Variants in KCNIP4 observed in about 807,000 individuals in gnomAD.
KCNIP4 encodes potassium voltage-gated channel interacting protein 4.
In KCNIP4, 12 loss-of-function variants were observed where a neutral mutation model predicts 34.0. That is an observed-to-expected ratio of 0.35 (90% CI 0.23 to 0.57). The LOEUF is 0.57. Ranked by LOEUF, KCNIP4 falls within the 20% of genes least tolerant of loss-of-function variation. KCNIP4 has a pLI of 0.83. For missense variants in KCNIP4, 238 were observed against 311.7 expected, an observed-to-expected ratio of 0.76 and a Z score of 1.78; for synonymous variants, 124 against 102.2, an observed-to-expected ratio of 1.21 and a Z score of -1.29.
intron 1 of KCNIP4, among the ~76,000 whole-genome samples, chr4:20,974,836 G>C (rs1252786804): frequency 2.6e-5 from 4 of 152,048 alleles, no homozygotes; most frequent in Non-Finnish European, 4.4e-5. Flanking sequence ...GATCACACTC[G>C]AAAACCTTTC....
At chr4:21,087,146 ATG>A (rs34874556) in intron 1 of KCNIP4, among the ~76,000 whole-genome samples, 2,832 of 110,842 alleles carry the variant, frequency 0.026, 40 homozygotes, top group African/African-American at 0.052. Context: ...CTGCTGGGTA[ATG>A]TGTGTGTGTG....
rs577665647 is a variant in KCNIP4 at position 21,723,615 on chromosome 4, T to C, written c.61+224956A>G. 1.1e-4 allele frequency among the ~76,000 whole-genome samples: 16 copies of C among 152,138 alleles called. No homozygotes were observed. The South Asian group carries it at 1.9e-3, about 18-fold the overall frequency. ...AACAAATGGCTCAGAAAAAGAAAGT[T>C]TGGTGTCACATGGGAGCTCAGTCAT... On this transcript the variant is annotated intron_variant, in intron 1 of 8. Transcript: ENST00000382152.
intron 1 of KCNIP4, among the ~76,000 whole-genome samples, chr4:21,292,105 T>C (rs966615246): frequency 1.3e-5 from 2 of 152,194 alleles, no homozygotes; most frequent in Admixed American, 1.3e-4. Flanking sequence ...AGTTTTTTCT[T>C]AAGCATTTTC....
At chr4:21,705,581 C>T (rs1011770597) in intron 1 of KCNIP4, among the ~76,000 whole-genome samples, 9 of 151,752 alleles carry the variant, frequency 5.9e-5, no homozygotes, top group Non-Finnish European at 1.0e-4. Context: ...TAATGGGGAA[C>T]GGGGAAAGAA....
At chr4:21,648,749 C>T (rs949688625) in intron 1 of KCNIP4, among the ~76,000 whole-genome samples, 1 of 151,982 alleles carries the variant, frequency 6.6e-6, no homozygotes. Flanking sequence ...TCTGAAGTGG[C>T]AAAGTAGGGT....
At chr4:20,824,905 A>G (rs1717547598) in intron 3 of KCNIP4, among the ~76,000 whole-genome samples, 1 of 152,222 alleles carries the variant, frequency 6.6e-6, no homozygotes, top group South Asian at 2.1e-4. Flanking sequence ...AACACAATTA[A>G]GTATTATCTT....
intron 1 of KCNIP4, among the ~76,000 whole-genome samples, chr4:21,660,906 C>T (rs542413273): frequency 1.3e-5 from 2 of 152,168 alleles, no homozygotes; most frequent in Non-Finnish European, 1.5e-5. Flanking sequence ...AGAAAAGGCC[C>T]CACCCTCAAG....
chr4:21,519,785 A>ATGTGTGTGTATACACACGTGTGTGTATG (rs1735347717), intron 1 of KCNIP4, among the ~76,000 whole-genome samples: 9 of 128,576 alleles, frequency 7.0e-5, no homozygotes, highest in African/African-American at 2.5e-4. Flanking sequence ...ACGTGTGTGT[A>ATGTGTGTGTATACACACGTGTGTGTATG]TGTGTGTGTA....
intron 1 of KCNIP4, among the ~76,000 whole-genome samples, chr4:21,251,006 T>A (rs1183216126): frequency 6.6e-6 from 1 of 151,980 alleles, no homozygotes; most frequent in African/African-American, 2.4e-5. Context: ...TATCTTGACA[T>A]GTAAAAGTAC....
intron 1 of KCNIP4, among the ~76,000 whole-genome samples, chr4:20,997,068 TG>T (rs11316315): frequency 0.42 from 63,545 of 151,840 alleles, 13,511 homozygotes; most frequent in Admixed American, 0.48. Context: ...TAGACTAGGA[TG>T]GGGGGAAAAC....
intron 1 of KCNIP4, among the ~76,000 whole-genome samples, chr4:21,192,910 C>A (rs1490082746): frequency 1.6e-5 from 2 of 122,634 alleles, no homozygotes; most frequent in Non-Finnish European, 3.4e-5. Flanking sequence ...CCCTGCCGCC[C>A]CGTCTCTACT....
intron 1 of KCNIP4, among the ~76,000 whole-genome samples, chr4:21,606,151 C>T (rs913155729): frequency 6.6e-6 from 1 of 152,038 alleles, no homozygotes; most frequent in African/African-American, 2.4e-5. Flanking sequence ...GGTGGCCATC[C>T]AGATATGGGA....
At chr4:21,677,368 T>C (rs1207471888) in intron 1 of KCNIP4, among the ~76,000 whole-genome samples, 2 of 152,204 alleles carry the variant, frequency 1.3e-5, no homozygotes, top group Admixed American at 6.5e-5. Flanking sequence ...ACTGCTATAT[T>C]ATCACAGAAG....
intron 1 of KCNIP4, among the ~76,000 whole-genome samples, chr4:21,692,247 A>C (rs1034194858): frequency 2.6e-5 from 4 of 152,356 alleles, no homozygotes; most frequent in Non-Finnish European, 5.9e-5. Flanking sequence ...CAATGTAATA[A>C]AACATTAACA....
chr4:21,637,082 C>T (rs540885567), intron 1 of KCNIP4, among the ~76,000 whole-genome samples: 22 of 152,208 alleles, frequency 1.4e-4, no homozygotes, highest in African/African-American at 5.3e-4. Context: ...CCGGGACCTC[C>T]TTGGGATACC....
At chr4:21,856,336 T>G (rs1724752723) in intron 1 of KCNIP4, among the ~76,000 whole-genome samples, 1 of 152,246 alleles carries the variant, frequency 6.6e-6, no homozygotes. Context: ...TGAGGGTTCC[T>G]GTAGATGAAT....
intron 1 of KCNIP4, among the ~76,000 whole-genome samples, chr4:21,538,442 T>C (rs1380180130): frequency 1.3e-5 from 2 of 152,144 alleles, no homozygotes; most frequent in African/African-American, 2.4e-5. Context: ...TCAGTGTCTA[T>C]AGACATAGAG....
intron 1 of KCNIP4, among the ~76,000 whole-genome samples, chr4:21,370,885 G>GTT (rs1720371590): frequency 1.1e-5 from 1 of 92,280 alleles, no homozygotes; most frequent in Admixed American, 9.7e-5. Flanking sequence ...ACACACACGT[G>GTT]TGTGTGTGTG....
intron 1 of KCNIP4, among the ~76,000 whole-genome samples, chr4:21,134,651 C>G (rs1406106455): frequency 6.6e-6 from 1 of 152,142 alleles, no homozygotes; most frequent in Admixed American, 6.5e-5. Context: ...GGCTTCTTCT[C>G]ATAGATTTTT....
Sources: allele counts gnomAD v4.1 joint callset (sites outside exome capture counted in the v4.1 genomes callset), GRCh38; gene constraint gnomAD v4.1.1; transcripts MANE v1.5; gene names NCBI Gene and HGNC (gene_info 2026-07-23, HGNC 2026-07-21).